The following SEC22A variants were observed in gnomAD, a reference collection of about 807,000 sequenced individuals.
SEC22A encodes the protein SEC22 homolog A, vesicle trafficking protein.
Under a neutral mutation model 35.3 loss-of-function variants are expected in SEC22A, and 22 were observed. That is an observed-to-expected ratio of 0.62 (90% CI 0.45 to 0.89). The LOEUF (loss-of-function observed/expected upper bound fraction) is 0.89. Among genes scored for constraint, SEC22A ranks in the 40% least tolerant of loss-of-function variants. SEC22A has a pLI of 0.00. For synonymous variants in SEC22A, 119 were observed against 129.5 expected (o/e 0.92, Z 0.55); for missense variants, 354 against 362.5 (o/e 0.98, Z 0.19).
rs1938238899 is a variant in SEC22A at position 123,274,032 on chromosome 3, ACTTT to A, written c.*2311_*2314del. On this transcript the variant is annotated 3_prime_UTR_variant, in exon 7 of 7. Coordinates refer to ENST00000492595, the MANE Select transcript of SEC22A (RefSeq NM_012430.5). ...CCTCACCAACTATTTTTAAAGGCTTACTTTGTTTTTGTTTTTATTTTTTCACTGG... is the reference window on the plus strand; with the variant it reads ...CCTCACCAACTATTTTTAAAGGCTTAGTTTTTGTTTTTATTTTTTCACTGG... 1 of 152,176 alleles carries A rather than the reference ACTTT, an allele frequency of 6.6e-6. No homozygotes were observed. Among genetic ancestry groups the A allele is most frequent in the Non-Finnish European group, 1.5e-5 (1 of 68,022 alleles). 9.4% of individuals were successfully genotyped at this position (152,176 alleles called of 1,614,324 possible). A position where few individuals can be genotyped will look rare whatever the true frequency, so the allele number is the denominator to read the frequency against.
chr3:123,222,959 C>T (rs749555892), intron 2 of SEC22A, among the ~76,000 whole-genome samples: 31 of 152,178 alleles, frequency 2.0e-4, no homozygotes, highest in African/African-American at 2.7e-4. Context: ...GTTTACCAGT[C>T]AACACTCAGC....
At chr3:123,268,341 GCTT>G (rs1938071464) in intron 6 of SEC22A, among the ~76,000 whole-genome samples, 1 of 152,300 alleles carries the variant, frequency 6.6e-6, no homozygotes, top group South Asian at 2.1e-4. Context: ...CTAGTTGCCA[GCTT>G]CTTCAGCTCC....
intron 6 of SEC22A, among the ~76,000 whole-genome samples, chr3:123,265,257 A>G (rs1938000814): frequency 6.6e-6 from 1 of 152,198 alleles, no homozygotes; most frequent in Non-Finnish European, 1.5e-5. Context: ...AGAGACTTGA[A>G]CATCCACAAA....
At chr3:123,205,765 G>T (rs1414350402) in intron 1 of SEC22A, among the ~76,000 whole-genome samples, 4 of 152,194 alleles carry the variant, frequency 2.6e-5, no homozygotes, top group Non-Finnish European at 5.9e-5. Flanking sequence ...AGTTAGTGAA[G>T]TGGTGGGCAA....
At chr3:123,226,445 G>A (rs1374975872) in intron 4 of SEC22A, among the ~76,000 whole-genome samples, 3 of 152,064 alleles carry the variant, frequency 2.0e-5, no homozygotes, top group East Asian at 1.9e-4. Context: ...TCTGATGATC[G>A]GTGATGTTGA....
At chr3:123,269,190 T>TGC in intron 6 of SEC22A, among the ~76,000 whole-genome samples, 1 of 97,936 alleles carries the variant, frequency 1.0e-5, no homozygotes, top group Non-Finnish European at 2.4e-5. Context: ...TGTGTGTGTG[T>TGC]GTGTGTGTGT....
chr3:123,231,319 C>T (rs1249725782), intron 4 of SEC22A, among the ~76,000 whole-genome samples: 3 of 152,154 alleles, frequency 2.0e-5, no homozygotes, highest in African/African-American at 7.2e-5. Flanking sequence ...TGAGACATAA[C>T]AGACATCTAT....
At chr3:123,254,408 A>C (rs1479393449) in intron 5 of SEC22A, among the ~76,000 whole-genome samples, 1 of 152,190 alleles carries the variant, frequency 6.6e-6, no homozygotes, top group East Asian at 1.9e-4. Flanking sequence ...GAATAGTGAC[A>C]TTCATAAAAA....
At chr3:123,212,937 T>C (rs748685897) in intron 2 of SEC22A, among the ~76,000 whole-genome samples, 2 of 152,144 alleles carry the variant, frequency 1.3e-5, no homozygotes, top group Non-Finnish European at 2.9e-5. Context: ...AAAAACATTG[T>C]TTTTCCTGTT....
At chr3:123,210,441 A>G (rs904403350) in intron 2 of SEC22A, among the ~76,000 whole-genome samples, 3 of 152,250 alleles carry the variant, frequency 2.0e-5, no homozygotes, top group Non-Finnish European at 4.4e-5. Flanking sequence ...TGAAATGAGC[A>G]AGAAAGGAGA....
At chr3:123,220,259 G>T (rs911589849) in intron 2 of SEC22A, among the ~76,000 whole-genome samples, 9 of 152,146 alleles carry the variant, frequency 5.9e-5, no homozygotes, top group African/African-American at 1.9e-4. Context: ...CATATTAATG[G>T]AGGATAATCA....
chr3:123,216,639 A>C (rs1266494367), intron 2 of SEC22A, among the ~76,000 whole-genome samples: 1 of 152,226 alleles, frequency 6.6e-6, no homozygotes, highest in Non-Finnish European at 1.5e-5. Flanking sequence ...AAGTGAGAAA[A>C]TAGAAAGTTC....
intron 2 of SEC22A, among the ~76,000 whole-genome samples, chr3:123,223,278 C>T (rs1000167391): frequency 6.6e-6 from 1 of 152,198 alleles, no homozygotes; most frequent in African/African-American, 2.4e-5. Flanking sequence ...ATTTGTATAT[C>T]CATTCCCCTG....
At chr3:123,262,160 A>G (rs775581010) in intron 6 of SEC22A, among the ~76,000 whole-genome samples, 4 of 152,176 alleles carry the variant, frequency 2.6e-5, no homozygotes, top group Non-Finnish European at 1.5e-5. Context: ...TCCTCTTTAG[A>G]TCAGATCTGA....
intron 4 of SEC22A, among the ~76,000 whole-genome samples, chr3:123,230,487 G>A (rs1937301503): frequency 6.6e-6 from 1 of 151,972 alleles, no homozygotes; most frequent in East Asian, 1.9e-4. Context: ...TGGAGTTTGT[G>A]ATGTTTATTG....
intron 4 of SEC22A, among the ~76,000 whole-genome samples, chr3:123,228,402 T>TAA (rs754123559): frequency 0.016 from 1,432 of 90,096 alleles, 46 homozygotes; most frequent in African/African-American, 0.053. Context: ...CCGTCTCTAC[T>TAA]AAAAAAAAAA....
At chr3:123,225,535 A>G (rs906942418) in intron 4 of SEC22A, among the ~76,000 whole-genome samples, 24 of 152,178 alleles carry the variant, frequency 1.6e-4, no homozygotes, top group African/African-American at 5.3e-4. Flanking sequence ...ATTTTTTTAA[A>G]TTTAAAATTA....
At chr3:123,259,679 T>A in intron 6 of SEC22A, 90 bp downstream of exon 6, 1 of 897,742 alleles carries the variant, frequency 1.1e-6, no homozygotes, top group Admixed American at 2.5e-5. Context: ...AATAAATTAT[T>A]AAAACTCTGA....
At position 123,260,131 on chromosome 3, in the gene SEC22A, C is replaced by CAA. The variant is rs533386545; in HGVS notation, c.723+579_723+580dup. Among the ~76,000 whole-genome samples, 14 of 49,774 alleles carry CAA rather than the reference C, an allele frequency of 2.8e-4. 2 individuals carry two copies. Among genetic ancestry groups the CAA allele is most frequent in the African/African-American group, 6.9e-4 (7 of 10,148 alleles). 32.7% of individuals were successfully genotyped at this position (49,774 alleles called of 152,430 possible). A position where few individuals can be genotyped will look rare whatever the true frequency, so the allele number is the denominator to read the frequency against. ...TGGGCAACAGAGCGAGACTACATCT[C>CAA]AAAAAAAAAAAAAAAAAAAAAAAAA... On this transcript the variant is annotated intron_variant, in intron 6 of 6. Transcript: ENST00000492595.
Sources: allele counts gnomAD v4.1 joint callset (sites outside exome capture counted in the v4.1 genomes callset), GRCh38; gene constraint gnomAD v4.1.1; transcripts MANE v1.5; gene names NCBI Gene and HGNC (gene_info 2026-07-23, HGNC 2026-07-21).